Variants in TMPRSS9 observed in about 807,000 individuals in gnomAD.
TMPRSS9 encodes the protein transmembrane serine protease 9, also known as transmembrane protease serine 9.
TMPRSS9 carries 113 observed loss-of-function variants against 111.4 expected under a neutral mutation model. That is an observed-to-expected ratio of 1.01 (90% confidence interval 0.87 to 1.19). The LOEUF is 1.19. Ranked by LOEUF, TMPRSS9 falls within the 50% of genes most tolerant of loss-of-function variation. The probability of loss-of-function intolerance (pLI) is 0.00; values close to 1 mark genes in which losing one functional copy is unlikely to be tolerated. For missense variants in TMPRSS9, 1,803 were observed against 1,513.1 expected (o/e 1.19, Z -3.18); for synonymous variants, 805 against 659.1 (o/e 1.22, Z -3.39).
upstream of TMPRSS9, among the ~76,000 whole-genome samples, chr19:2,389,015 C>T (rs965392646): frequency 1.3e-4 from 19 of 151,724 alleles, no homozygotes; most frequent in African/African-American, 3.6e-4. Flanking sequence ...AGCAATGGAC[C>T]GCAGCGACCC....
chr19:2,420,335 C>T (rs1044029396), intron 13 of TMPRSS9, among the ~76,000 whole-genome samples: 6 of 150,784 alleles, frequency 4.0e-5, no homozygotes, highest in East Asian at 1.9e-4. Context: ...CTAGCTACTC[C>T]GGAGGCTGAG....
At chr19:2,417,413 C>CCA (rs1971269231) in intron 12 of TMPRSS9, among the ~76,000 whole-genome samples, 1 of 150,706 alleles carries the variant, frequency 6.6e-6, no homozygotes, top group Non-Finnish European at 1.5e-5. Context: ...CTGCAGTGAG[C>CCA]TGAGATTGTG....
Position 2,392,266 on chromosome 19 carries a change from G to A in TMPRSS9, c.142+2339G>A, listed in dbSNP as rs185170895. Among the ~76,000 whole-genome samples, 110 of 152,192 alleles carry A rather than the reference G, an allele frequency of 7.2e-4. 1 individual carries two copies. In the East Asian group the frequency reaches 0.019, roughly 27 times the overall value. On this transcript the variant is annotated intron_variant, in intron 1 of 17. Transcript: ENST00000648592. Reference sequence around the variant, plus strand: ...TCAGTGAAAATGAGTGGTTGTGCGTGCCAGTAGTCCCTGCTACTCGGGAGA... The same window carrying A: ...TCAGTGAAAATGAGTGGTTGTGCGTACCAGTAGTCCCTGCTACTCGGGAGA...
chr19:2,362,356 G>A (rs534239666), intron 1 of TMPRSS9, among the ~76,000 whole-genome samples: 1 of 151,630 alleles, frequency 6.6e-6, no homozygotes, highest in Non-Finnish European at 1.5e-5. Context: ...GCGAGATTGT[G>A]TGACTGTGCA....
chr19:2,423,744 C>T (rs950041491), intron 14 of TMPRSS9, among the ~76,000 whole-genome samples: 1 of 152,054 alleles, frequency 6.6e-6, no homozygotes, highest in Admixed American at 6.5e-5. Flanking sequence ...GCTGGGGCCT[C>T]TGGGGCGGGG....
chr19:2,425,061 A>AG lies in TMPRSS9; in HGVS notation c.2781dup (p.Gln928AlafsTer115). 5.7e-6 allele frequency: 9 copies of AG among 1,569,892 alleles called. No individual in the cohort carries two copies. The highest frequency in any genetic ancestry group is 7.7e-6 in the Non-Finnish European group (9 of 1,165,826). On this transcript the variant is annotated frameshift_variant, in exon 16 of 18. Transcript: ENST00000648592. LOFTEE classifies it high-confidence loss of function. ...GGCACGCCGTTCCTGAGCGGCGCGG[A>AG]GGGGCAGCTGGAGCGCGTGGCGCGC...
Position 2,426,057 on chromosome 19 carries a change from G to C in TMPRSS9, c.3251G>C (p.Arg1084Thr), listed in dbSNP as rs1971620794. Reference sequence around the variant, plus strand: ...GTCTATACCCGGGTGGCAGCTGTGAGAGGCTGGATAGGACAGCACATCCAG... The same window carrying C: ...GTCTATACCCGGGTGGCAGCTGTGACAGGCTGGATAGGACAGCACATCCAG... The change falls in exon 18 of 18, where the codon AGA becomes ACA. Residue 1084 changes from arginine (R) to threonine (T), a missense_variant. Transcript: ENST00000648592. 1.2e-6 allele frequency: 2 copies of C among 1,609,552 alleles called. No individual in the cohort carries two copies.
exon 14 of TMPRSS9, chr19:2,421,864 G>A: frequency 6.2e-7 from 1 of 1,602,606 alleles, no homozygotes; most frequent in South Asian, 1.1e-5. Flanking sequence ...GGTGACTCTG[G>A]GGGCCCCCTG....
At chr19:2,395,330 G>C (rs1970683893) in intron 1 of TMPRSS9, among the ~76,000 whole-genome samples, 1 of 152,194 alleles carries the variant, frequency 6.6e-6, no homozygotes, top group Admixed American at 6.6e-5. Context: ...TGAGGCAGGA[G>C]GCTGAGGCAG....
chr19:2,426,111 G>T (rs1453098922), exon 18 of TMPRSS9: 1 of 1,523,768 alleles, frequency 6.6e-7, no homozygotes. Context: ...TGCCCAGGCC[G>T]AGACTCTACG....
chr19:2,391,236 T>TAAAAA (rs1970583716), intron 1 of TMPRSS9, among the ~76,000 whole-genome samples: 1 of 2,060 alleles, frequency 4.9e-4, no homozygotes, highest in Non-Finnish European at 1.1e-3. Flanking sequence ...CAATTCCATC[T>TAAAAA]CAAAAAAAAA....
chr19:2,413,789 A>G (rs1271817847), exon 10 of TMPRSS9: 3 of 1,613,860 alleles, frequency 1.9e-6, no homozygotes, highest in East Asian at 2.2e-5. Context: ...GGTGTGCGGA[A>G]GCCCGGCGTC....
chr19:2,396,573 C>T (rs763767078), exon 2 of TMPRSS9: 30 of 1,610,688 alleles, frequency 1.9e-5, no homozygotes, highest in Non-Finnish European at 2.5e-5. Flanking sequence ...ACGTGGACCA[C>T]ACGGCCGAGC....
intron 12 of TMPRSS9, 119 bp downstream of exon 13, chr19:2,416,928 T>TGTGGCTGATCC (rs1971253069): frequency 3.1e-6 from 4 of 1,287,448 alleles, no homozygotes; most frequent in Non-Finnish European, 4.2e-6. Context: ...CAGGGACCTC[T>TGTGGCTGATCC]GTGGCTGATC....
chr19:2,363,419 A>G (rs1020310082), intron 1 of TMPRSS9, among the ~76,000 whole-genome samples: 1 of 149,092 alleles, frequency 6.7e-6, no homozygotes, highest in East Asian at 2.0e-4. Context: ...GGCATGGTAG[A>G]TGGATCGCAG....
At chr19:2,424,033 C>G in intron 14 of TMPRSS9, 56 bp from the exon 16 acceptor site, 2 of 1,246,026 alleles carry the variant, frequency 1.6e-6, no homozygotes, top group East Asian at 3.2e-5. Flanking sequence ...CCCAGGGGGG[C>G]CTTCGTGGAG....
rs781610929 is a variant in TMPRSS9, at chr19:2,421,975, C to T, written c.2276C>T (p.Thr759Ile). 10 of 1,613,190 alleles carry T rather than the reference C, an allele frequency of 6.2e-6. No homozygotes were observed. In the African/African-American group the frequency reaches 1.2e-4, roughly 19 times the overall value. Residue 759 changes from threonine to isoleucine, a missense_variant, in exon 14 of 18, where the codon ACC becomes ATC. By Grantham distance (89) the Thr-to-Ile change is moderately conservative. Coordinates refer to ENST00000648592, the Ensembl canonical transcript of TMPRSS9. ...AAGCCGGGCGTGTACACGCGCATCACCAGGCTAAAGGGCTGGATCCTGGAG... is the reference window on the plus strand; with the variant it reads ...AAGCCGGGCGTGTACACGCGCATCATCAGGCTAAAGGGCTGGATCCTGGAG...
intron 1 of TMPRSS9, among the ~76,000 whole-genome samples, chr19:2,390,864 A>G (rs1365998640): frequency 1.3e-5 from 2 of 151,478 alleles, no homozygotes; most frequent in African/African-American, 2.4e-5. Context: ...AAAAATAAAA[A>G]CATAATAATA....
intron 1 of TMPRSS9, among the ~76,000 whole-genome samples, chr19:2,370,974 A>C (rs1418928976): frequency 6.6e-6 from 1 of 152,126 alleles, no homozygotes; most frequent in Non-Finnish European, 1.5e-5. Flanking sequence ...AAAGAAAAAA[A>C]TGCATGACAA....
Sources: gnomAD v4.1 joint callset for allele counts (sites outside exome capture counted in the v4.1 genomes callset) on GRCh38, gnomAD v4.1.1 for gene constraint, MANE v1.5 for transcripts, NCBI Gene and HGNC (gene_info 2026-07-23, HGNC 2026-07-21) for gene names.